Variants in DOCK4 observed in about 807,000 individuals in gnomAD.
DOCK4 encodes dedicator of cytokinesis 4.
A neutral mutation model predicts 268.1 loss-of-function variants in DOCK4; 97 were observed. That is an observed-to-expected ratio of 0.36 (90% CI 0.31 to 0.43). The LOEUF (loss-of-function observed/expected upper bound fraction) is 0.43. DOCK4 is among the 20% of genes least tolerant of loss of function. The probability of loss-of-function intolerance (pLI) is 1.00; values close to 1 mark genes in which losing one functional copy is unlikely to be tolerated. For missense variants in DOCK4, 2,145 were observed against 2,455.7 expected, an observed-to-expected ratio of 0.87 and a Z score of 2.67; for synonymous variants, 954 against 887.2, an observed-to-expected ratio of 1.08 and a Z score of -1.34.
chr7:111,895,822 C>G (rs1808700717), intron 15 of DOCK4, 104 bp from the exon 16 acceptor site: 1 of 1,039,094 alleles, frequency 9.6e-7, no homozygotes, highest in Non-Finnish European at 1.5e-6. Context: ...CACAACAGTT[C>G]CCACTACACA....
chr7:111,762,762 C>CTTTTTTTTTTTTTTTTTTTTTGTT (rs1797512217), intron 39 of DOCK4, among the ~76,000 whole-genome samples: 1 of 63,068 alleles, frequency 1.6e-5, no homozygotes, highest in Non-Finnish European at 3.0e-5. Context: ...GTTTTGTTTT[C>CTTTTTTTTTTTTTTTTTTTTTGTT]TTTTTTTTTT....
chr7:111,953,393 C>T (rs1202809246), intron 8 of DOCK4, among the ~76,000 whole-genome samples: 1 of 152,030 alleles, frequency 6.6e-6, no homozygotes, highest in African/African-American at 2.4e-5. Context: ...GAGCCTCTCC[C>T]TAAAAGGCAA....
At chr7:112,021,967 A>G (rs192282949) in intron 1 of DOCK4, among the ~76,000 whole-genome samples, 4 of 152,344 alleles carry the variant, frequency 2.6e-5, no homozygotes, top group South Asian at 2.1e-4. Context: ...AAAAATATGC[A>G]TATGATTATT....
intron 13 of DOCK4, among the ~76,000 whole-genome samples, chr7:111,902,752 G>A (rs1015011812): frequency 1.3e-5 from 2 of 151,660 alleles, no homozygotes; most frequent in East Asian, 3.9e-4. Context: ...AAGTAATACT[G>A]TTTTCTTTTT....
chr7:111,869,364 A>G, intron 21 of DOCK4: 1 of 515,762 alleles, frequency 1.9e-6, no homozygotes, highest in Non-Finnish European at 3.6e-6. Context: ...CAAGGATTCA[A>G]TCCTGAACAG....
intron 1 of DOCK4, among the ~76,000 whole-genome samples, chr7:112,015,383 TA>T (rs1233188162): frequency 6.6e-6 from 1 of 152,170 alleles, no homozygotes; most frequent in African/African-American, 2.4e-5. Context: ...GTTTAGCATA[TA>T]ATCAAGAAAT....
intron 30 of DOCK4, among the ~76,000 whole-genome samples, chr7:111,805,912 T>C (rs1307760282): frequency 6.6e-6 from 1 of 152,206 alleles, no homozygotes; most frequent in Non-Finnish European, 1.5e-5. Flanking sequence ...ATATTGAGGA[T>C]CTTGATTTAT....
chr7:112,014,200 A>C (rs898751871), intron 1 of DOCK4, among the ~76,000 whole-genome samples: 3 of 152,238 alleles, frequency 2.0e-5, no homozygotes, highest in African/African-American at 7.2e-5. Flanking sequence ...AACACAGTTC[A>C]GAATGTGTAG....
At chr7:111,959,281 TCAAA>T (rs772955378) in intron 8 of DOCK4, among the ~76,000 whole-genome samples, 8 of 152,206 alleles carry the variant, frequency 5.3e-5, no homozygotes, top group East Asian at 3.9e-4. Context: ...ATTTTTGTTC[TCAAA>T]CAAAGTTGTA....
chr7:111,977,714 C>T (rs996424157), intron 7 of DOCK4, among the ~76,000 whole-genome samples: 1 of 152,136 alleles, frequency 6.6e-6, no homozygotes. Flanking sequence ...TTTTAAAAAG[C>T]AGACTAAATT....
chr7:111,979,597 T>C (rs1798456428), intron 7 of DOCK4, among the ~76,000 whole-genome samples: 1 of 152,072 alleles, frequency 6.6e-6, no homozygotes. Context: ...ACTTATTTAC[T>C]GATTTACTTA....
intron 1 of DOCK4, among the ~76,000 whole-genome samples, chr7:112,027,995 G>A (rs767550955): frequency 6.6e-6 from 1 of 152,152 alleles, no homozygotes; most frequent in Non-Finnish European, 1.5e-5. Context: ...ACATAGAAGA[G>A]GATTACCGAT....
intron 1 of DOCK4, among the ~76,000 whole-genome samples, chr7:112,133,606 C>T (rs751420344): frequency 1.2e-4 from 18 of 151,904 alleles, no homozygotes; most frequent in Non-Finnish European, 2.1e-4. Flanking sequence ...CTGTAGTCCT[C>T]GCTACTTGAG....
At chr7:112,060,621 C>T (rs1027695859) in intron 1 of DOCK4, among the ~76,000 whole-genome samples, 4 of 151,982 alleles carry the variant, frequency 2.6e-5, no homozygotes, top group Non-Finnish European at 5.9e-5. Flanking sequence ...ATAACACACA[C>T]CAAATAATAA....
chr7:112,068,020 G>T (rs537234507), intron 1 of DOCK4, among the ~76,000 whole-genome samples: 33,523 of 152,054 alleles, frequency 0.22, 7,047 homozygotes, highest in African/African-American at 0.54. Flanking sequence ...ACAGAGCCAA[G>T]AAAATTATGC....
Position 112,004,064 on chromosome 7 carries a change from G to C in DOCK4, c.105C>G (p.Ile35Met). Reference protein sequence around the residue: ...LSLEIGDTVQILEKCDGWYRG... With the variant: ...LSLEIGDTVQMLEKCDGWYRG... ...GCTACTCACCATCACACTTCTCCAG[G>C]ATCTGAACTGTATCTCCAATTTCCA... is the stretch of plus-strand genomic sequence containing the variant. The change falls in exon 2 of 53, where the codon ATC becomes ATG. Residue 35 changes from isoleucine (I) to methionine (M), a missense_variant. By Grantham distance (10) the Ile-to-Met change is conservative. This residue lies in a region of DOCK4 where 1,598 missense variants were observed against 1,986.7 expected (regional missense o/e 0.80). Coordinates refer to ENST00000428084, the MANE Select transcript of DOCK4 (RefSeq NM_001363540.2). 2 of 1,603,536 alleles carry C rather than the reference G, an allele frequency of 1.2e-6. No individual in the cohort carries two copies. Among genetic ancestry groups the C allele is most frequent in the Non-Finnish European group, 1.7e-6 (2 of 1,174,846 alleles).
chr7:111,926,693 C>T (rs764280095), intron 12 of DOCK4, among the ~76,000 whole-genome samples: 1 of 150,914 alleles, frequency 6.6e-6, no homozygotes, highest in Admixed American at 6.6e-5. Context: ...ATAAGCCAAG[C>T]GTGGTGGTGT....
At chr7:112,098,023 T>G (rs1469640097) in intron 1 of DOCK4, among the ~76,000 whole-genome samples, 1 of 152,204 alleles carries the variant, frequency 6.6e-6, no homozygotes, top group East Asian at 1.9e-4. Context: ...AATGTTTCCA[T>G]GCTACACAAT....
In DOCK4 at chr7:111,728,532, C is replaced by G. The variant is rs771303494; in HGVS notation, c.5670G>C (p.Pro1890=). The G allele has an allele frequency of 3.7e-6, 6 of 1,613,486 alleles. No individual in the cohort carries two copies. The highest frequency in any genetic ancestry group is 2.7e-5 in the African/African-American group (2 of 74,904). ...CCCCGCCGTAGCTCGGCACGGGCAC[C>G]GGCACTGGCACCGGCAGGGGGGCCG... ...EQSAPLPVPV[P]VPVPSYGGEE... is the part of the protein sequence containing the mutation. The change falls in exon 53 of 53, where the codon CCG becomes CCC. Residue 1890 remains proline, a synonymous_variant. Transcript: ENST00000428084.
Sources: allele counts gnomAD v4.1 joint callset (sites outside exome capture counted in the v4.1 genomes callset), GRCh38; gene constraint gnomAD v4.1.1; regional missense constraint gnomAD v4.1.1; transcripts MANE v1.5; gene names NCBI Gene and HGNC (gene_info 2026-07-23, HGNC 2026-07-21).